The following KDM4C variants were observed in gnomAD, a reference collection of about 807,000 sequenced individuals.
KDM4C encodes the protein lysine demethylase 4C, also known as lysine-specific demethylase 4C.
KDM4C carries 81 observed loss-of-function variants against 129.3 expected under a neutral mutation model. That is an observed-to-expected ratio of 0.63 (90% CI 0.52 to 0.75). The LOEUF (loss-of-function observed/expected upper bound fraction) is 0.75, where lower values mean the gene tolerates loss of function less well. Among genes scored for constraint, KDM4C ranks in the 30% least tolerant of loss-of-function variants. The pLI is 0.00. For missense variants in KDM4C, 1,457 were observed against 1,304.0 expected (o/e 1.12, Z -1.81); for synonymous variants, 573 against 456.1 (o/e 1.26, Z -3.26).
intron 1 of KDM4C, among the ~76,000 whole-genome samples, chr9:6,741,160 G>A (rs1817679538): frequency 6.6e-6 from 1 of 152,048 alleles, no homozygotes; most frequent in African/African-American, 2.4e-5. Context: ...CATTTTGGGA[G>A]GCTGAGGCGA....
intron 2 of KDM4C, among the ~76,000 whole-genome samples, chr9:6,796,883 C>G (rs546973225): frequency 6.6e-6 from 1 of 152,044 alleles, no homozygotes; most frequent in Admixed American, 6.6e-5. Context: ...AAAACTGTAC[C>G]GAATCAAATC....
chr9:6,750,210 G>T (rs556807722), intron 1 of KDM4C, among the ~76,000 whole-genome samples: 4 of 152,078 alleles, frequency 2.6e-5, no homozygotes, highest in African/African-American at 9.6e-5. Context: ...GGAGGCTGAG[G>T]TGGGCGGATC....
intron 17 of KDM4C, among the ~76,000 whole-genome samples, chr9:7,080,839 A>G (rs900813103): frequency 6.6e-6 from 1 of 152,248 alleles, no homozygotes. Context: ...ATAGTCTTCC[A>G]GAATTCTTCT....
At chr9:7,070,612 T>C (rs1417739093) in intron 17 of KDM4C, among the ~76,000 whole-genome samples, 2 of 152,164 alleles carry the variant, frequency 1.3e-5, no homozygotes, top group East Asian at 1.9e-4. Flanking sequence ...AGAAAAGCCA[T>C]ATGATTAATA....
chr9:6,806,117 T>C (rs1829917084), intron 3 of KDM4C, among the ~76,000 whole-genome samples: 1 of 152,234 alleles, frequency 6.6e-6, no homozygotes, highest in Non-Finnish European at 1.5e-5. Flanking sequence ...TTTATATGTA[T>C]TAGAAGATTA....
chr9:6,995,878 A>G (rs189816087), intron 12 of KDM4C, among the ~76,000 whole-genome samples: 1,791 of 140,560 alleles, frequency 0.013, 17 homozygotes, highest in East Asian at 0.019. Context: ...TCACTGTGTT[A>G]GCCAGGATGG....
intron 2 of KDM4C, among the ~76,000 whole-genome samples, chr9:6,802,910 G>T (rs1441617826): frequency 1.3e-5 from 2 of 152,294 alleles, no homozygotes; most frequent in African/African-American, 4.8e-5. Flanking sequence ...TCTGGCCTAG[G>T]CCGTTATATT....
intron 7 of KDM4C, among the ~76,000 whole-genome samples, chr9:6,888,479 A>G (rs1845618160): frequency 6.6e-6 from 1 of 152,208 alleles, no homozygotes; most frequent in African/African-American, 2.4e-5. Context: ...ACATTTAGAC[A>G]TAATACAATC....
At chr9:7,018,857 C>T (rs1348819379) in intron 15 of KDM4C, among the ~76,000 whole-genome samples, 2 of 152,128 alleles carry the variant, frequency 1.3e-5, no homozygotes, top group Non-Finnish European at 2.9e-5. Context: ...AACTCCTTGC[C>T]CCCTCAGAAA....
At chr9:7,082,188 G>C (rs1834601610) in intron 17 of KDM4C, among the ~76,000 whole-genome samples, 1 of 152,104 alleles carries the variant, frequency 6.6e-6, no homozygotes, top group African/African-American at 2.4e-5. Flanking sequence ...CTCAGGAAAG[G>C]CTTAAATTAT....
At chr9:6,728,620 G>A (rs1312537361) in intron 1 of KDM4C, among the ~76,000 whole-genome samples, 1 of 152,046 alleles carries the variant, frequency 6.6e-6, no homozygotes, top group African/African-American at 2.4e-5. Flanking sequence ...GCAGAGGCGG[G>A]CGGATCACGA....
At chr9:6,875,445 A>C (rs1447003698) in intron 5 of KDM4C, among the ~76,000 whole-genome samples, 1 of 152,200 alleles carries the variant, frequency 6.6e-6, no homozygotes, top group Admixed American at 6.5e-5. Context: ...GTTGTATCTT[A>C]TTCCTGTTTA....
At chr9:7,037,052 T>A (rs775848748) in intron 15 of KDM4C, among the ~76,000 whole-genome samples, 8 of 152,302 alleles carry the variant, frequency 5.3e-5, no homozygotes, top group Non-Finnish European at 8.8e-5. Flanking sequence ...GATCCTGTCT[T>A]CTCTCCAGCC....
chr9:6,860,056 T>A lies in KDM4C; in HGVS notation c.629+10356T>A, dbSNP rs560519142. Reference sequence around the variant, plus strand: ...GTGTTTCTTTTTACACCATCAACTTTCTTTTAATTAGATTTTATGCAGAAC... The same window carrying A: ...GTGTTTCTTTTTACACCATCAACTTACTTTTAATTAGATTTTATGCAGAAC... On this transcript the variant is annotated intron_variant, in intron 5 of 21. Coordinates refer to ENST00000381309, the MANE Select transcript of KDM4C (RefSeq NM_015061.6). Among the ~76,000 whole-genome samples the A allele has an allele frequency of 3.7e-4, 56 of 152,274 alleles. 1 individual carries two copies. The South Asian group carries it at 0.011, about 31-fold the overall frequency.
At chr9:6,933,112 A>G (rs1390298095) in intron 8 of KDM4C, among the ~76,000 whole-genome samples, 7 of 152,212 alleles carry the variant, frequency 4.6e-5, no homozygotes, top group Non-Finnish European at 5.9e-5. Context: ...CATGTATCAG[A>G]TAATACTATA....
At chr9:6,762,501 T>G (rs1331050780) in intron 1 of KDM4C, among the ~76,000 whole-genome samples, 1 of 151,926 alleles carries the variant, frequency 6.6e-6, no homozygotes, top group Non-Finnish European at 1.5e-5. Flanking sequence ...ATGAATTTCT[T>G]AGGAGGTGTA....
intron 12 of KDM4C, among the ~76,000 whole-genome samples, chr9:6,996,708 A>G (rs538123181): frequency 5.9e-5 from 9 of 152,354 alleles, no homozygotes; most frequent in African/African-American, 2.2e-4. Flanking sequence ...GAGTATAGCT[A>G]ACATACTTGT....
chr9:7,165,225 G>C lies in KDM4C; in HGVS notation c.2782-13G>C. The C allele has an allele frequency of 1.2e-6, 2 of 1,613,234 alleles. No homozygotes were observed. The highest frequency in any genetic ancestry group is 1.7e-6 in the Non-Finnish European group (2 of 1,179,760). ...CACTCCTTTTGAAAAGCCTGTCTCT[G>C]TTTATTCTGCAGAGCCGAGACTGTC... On this transcript the variant is annotated splice_polypyrimidine_tract_variant and intron_variant, in intron 19 of 21. Transcript: ENST00000381309.
intron 8 of KDM4C, among the ~76,000 whole-genome samples, chr9:6,969,079 G>C (rs1253720379): frequency 1.3e-5 from 2 of 151,964 alleles, no homozygotes; most frequent in African/African-American, 2.4e-5. Flanking sequence ...GGGACCACAG[G>C]CACGGATCAC....
Sources: gnomAD v4.1 joint callset for allele counts (sites outside exome capture counted in the v4.1 genomes callset) on GRCh38, gnomAD v4.1.1 for gene constraint, MANE v1.5 for transcripts, NCBI Gene and HGNC (gene_info 2026-07-23, HGNC 2026-07-21) for gene names.